Variants in SLC8A1 observed in about 807,000 individuals in gnomAD.
SLC8A1 encodes the protein sodium/calcium exchanger 1.
In SLC8A1, 18 loss-of-function variants were observed where a neutral mutation model predicts 68.3. The ratio of observed to expected loss-of-function variants is 0.26; its 90% CI spans 0.18 to 0.39. The LOEUF (loss-of-function observed/expected upper bound fraction) is 0.39. Ranked by LOEUF, SLC8A1 falls within the 10% of genes least tolerant of loss-of-function variation. The pLI is 1.00. For missense variants in SLC8A1, 985 were observed against 1,156.7 expected (o/e 0.85, Z 2.15); for synonymous variants, 475 against 415.5 (o/e 1.14, Z -1.74).
intron 2 of SLC8A1, among the ~76,000 whole-genome samples, chr2:40,254,259 A>AAGTAATTTCCTTACATT (rs1240303712): frequency 1.3e-5 from 2 of 152,168 alleles, no homozygotes; most frequent in South Asian, 2.1e-4. Flanking sequence ...TTGGGGTCTT[A>AAGTAATTTCCTTACATT]AGTAATTTCC....
At chr2:40,125,431 G>T (rs924259793) in intron 7 of SLC8A1, among the ~76,000 whole-genome samples, 5 of 152,150 alleles carry the variant, frequency 3.3e-5, no homozygotes, top group African/African-American at 7.2e-5. Flanking sequence ...ATGAAAGTTT[G>T]CCCAGGACCA....
intron 1 of SLC8A1, among the ~76,000 whole-genome samples, chr2:40,505,604 C>T (rs1474223424): frequency 1.3e-5 from 2 of 151,924 alleles, no homozygotes; most frequent in South Asian, 4.1e-4. Context: ...TACACACCTA[C>T]AAATACTCAA....
chr2:40,424,722 T>A lies in SLC8A1; in HGVS notation c.1808+3751A>T, dbSNP rs185882845. Among the ~76,000 whole-genome samples, 33 of 151,944 alleles carry A rather than the reference T, an allele frequency of 2.2e-4. No individual in the cohort carries two copies. The East Asian group carries it at 6.0e-3, about 28-fold the overall frequency. ...GAGTATATTAAGTAAATAATCTAAC[T>A]TGCATACTCTGATTTTTCAACTCTG... On this transcript the variant is annotated intron_variant, in intron 2 of 7. Transcript: ENST00000406785.
chr2:40,479,577 A>T (rs1397292758), intron 1 of SLC8A1, among the ~76,000 whole-genome samples: 1 of 152,136 alleles, frequency 6.6e-6, no homozygotes, highest in East Asian at 1.9e-4. Flanking sequence ...ATGAGGAAAC[A>T]CAGAAGTTTC....
intron 2 of SLC8A1, among the ~76,000 whole-genome samples, chr2:40,293,903 T>C (rs1175414758): frequency 2.0e-5 from 3 of 152,182 alleles, no homozygotes; most frequent in African/African-American, 7.2e-5. Flanking sequence ...ATCCAGATGT[T>C]ATTTTAGAAA....
intron 2 of SLC8A1, among the ~76,000 whole-genome samples, chr2:40,278,555 C>T (rs111613358): frequency 1.1e-4 from 17 of 152,256 alleles, no homozygotes; most frequent in African/African-American, 4.1e-4. Context: ...AGTAACTTTG[C>T]ATATTATTCA....
intron 1 of SLC8A1, 134 bp downstream of exon 1, chr2:40,451,770 C>CACACACAG (rs1184537338): frequency 6.4e-6 from 1 of 155,748 alleles, no homozygotes; most frequent in Non-Finnish European, 1.4e-5. Context: ...CACACACACA[C>CACACACAG]ACACACACAC....
At chr2:40,348,975 C>T (rs541016684) in intron 2 of SLC8A1, among the ~76,000 whole-genome samples, 274 of 152,186 alleles carry the variant, frequency 1.8e-3, no homozygotes, top group Non-Finnish European at 3.4e-3. Flanking sequence ...TTTCGTGGTG[C>T]CATGGGCTTT....
intron 2 of SLC8A1, among the ~76,000 whole-genome samples, chr2:40,261,145 G>A (rs1355763134): frequency 3.9e-5 from 6 of 152,142 alleles, no homozygotes; most frequent in Non-Finnish European, 8.8e-5. Context: ...AGAAAGGCAG[G>A]TCATTCTATC....
chr2:40,235,479 G>T (rs1169433672), intron 2 of SLC8A1, among the ~76,000 whole-genome samples: 3 of 152,034 alleles, frequency 2.0e-5, no homozygotes, highest in African/African-American at 7.2e-5. Flanking sequence ...GTCTATTTGA[G>T]TCTTCTCTCT....
chr2:40,496,866 T>C (rs1705736126), intron 1 of SLC8A1, among the ~76,000 whole-genome samples: 1 of 139,494 alleles, frequency 7.2e-6, no homozygotes. Context: ...TAGGTGGGAA[T>C]TGAACAATGA....
intron 2 of SLC8A1, among the ~76,000 whole-genome samples, chr2:40,278,864 T>C (rs1026714542): frequency 9.9e-5 from 15 of 152,276 alleles, no homozygotes; most frequent in Admixed American, 5.2e-4. Context: ...TATTAAAAGG[T>C]TTTTTTTAAA....
intron 2 of SLC8A1, among the ~76,000 whole-genome samples, chr2:40,404,811 T>G (rs552903088): frequency 6.6e-6 from 1 of 152,300 alleles, no homozygotes; most frequent in African/African-American, 2.4e-5. Flanking sequence ...AGGCCCCCAT[T>G]GCTGTTCAAA....
chr2:40,487,953 C>T (rs1214548336), intron 1 of SLC8A1, among the ~76,000 whole-genome samples: 4 of 152,106 alleles, frequency 2.6e-5, no homozygotes, highest in African/African-American at 9.7e-5. Context: ...ACGATACTAC[C>T]AGCCACAGGG....
chr2:40,403,498 G>T (rs1689380457), intron 2 of SLC8A1, among the ~76,000 whole-genome samples: 1 of 152,152 alleles, frequency 6.6e-6, no homozygotes, highest in Non-Finnish European at 1.5e-5. Context: ...ACCACAATGG[G>T]AGAGCTTAGG....
intron 2 of SLC8A1, among the ~76,000 whole-genome samples, chr2:40,395,267 C>G (rs1559509675): frequency 6.6e-6 from 1 of 152,112 alleles, no homozygotes; most frequent in Non-Finnish European, 1.5e-5. Context: ...AAAAGTCCGG[C>G]CTGAGTCTCC....
chr2:40,417,469 G>C (rs1414523543), intron 2 of SLC8A1, among the ~76,000 whole-genome samples: 1 of 152,064 alleles, frequency 6.6e-6, no homozygotes, highest in East Asian at 1.9e-4. Context: ...GTTAGGATTA[G>C]TTTTGCTGAA....
chr2:40,284,808 AGTGCT>A (rs1226918713), intron 2 of SLC8A1, among the ~76,000 whole-genome samples: 1 of 151,990 alleles, frequency 6.6e-6, no homozygotes, highest in Non-Finnish European at 1.5e-5. Flanking sequence ...ACCAAGGACA[AGTGCT>A]GGTTTATGCA....
exon 2 of SLC8A1, chr2:40,429,453 A>G (rs371006647): frequency 1.2e-6 from 2 of 1,613,900 alleles, no homozygotes; most frequent in Non-Finnish European, 1.7e-6. Flanking sequence ...CTTCATGTTC[A>G]ATAATCATCC....
Sources: gnomAD v4.1 joint callset for allele counts (sites outside exome capture counted in the v4.1 genomes callset) on GRCh38, gnomAD v4.1.1 for gene constraint, MANE v1.5 for transcripts, NCBI Gene and HGNC (gene_info 2026-07-23, HGNC 2026-07-21) for gene names.